DENND2A: variants seen among roughly 807,000 people sequenced by gnomAD.
The protein encoded by DENND2A is DENN domain-containing protein 2A.
DENND2A carries 53 observed loss-of-function variants against 105.3 expected under a neutral mutation model. That is an observed-to-expected ratio of 0.50 (90% CI 0.40 to 0.63). The LOEUF is 0.63. Ranked by LOEUF, DENND2A falls within the 30% of genes least tolerant of loss-of-function variation. The pLI is 0.00. For missense variants in DENND2A, 1,138 were observed against 1,279.6 expected (o/e 0.89, Z 1.69); for synonymous variants, 522 against 508.4 (o/e 1.03, Z -0.36).
chr7:140,598,381 C>T (rs549802930), intron 3 of DENND2A, among the ~76,000 whole-genome samples: 45 of 152,270 alleles, frequency 3.0e-4, no homozygotes, highest in African/African-American at 9.4e-4. Flanking sequence ...ACTCTAGATG[C>T]GTTACCATTA....
At chr7:140,579,517 C>T (rs1798446631) in intron 5 of DENND2A, among the ~76,000 whole-genome samples, 1 of 151,644 alleles carries the variant, frequency 6.6e-6, no homozygotes, top group South Asian at 2.1e-4. Flanking sequence ...CTCAGCCTCC[C>T]AAGTAGCTGG....
At position 140,525,735 on chromosome 7, in the gene DENND2A, C is replaced by A; in HGVS notation, c.2547+16G>T. The A allele has an allele frequency of 6.2e-7, 1 of 1,603,984 alleles. No homozygotes were observed. The highest frequency in any genetic ancestry group is 1.1e-5 in the South Asian group (1 of 88,982). ...AAAGACAAAGGGAGCAGGAGGCCGT[C>A]GCTGGCCTCACTCACCTGTCTGAGG... is the stretch of plus-strand genomic sequence containing the variant. On this transcript the variant is annotated intron_variant, in intron 16 of 19. Coordinates refer to ENST00000496613, the MANE Select transcript of DENND2A (RefSeq NM_015689.5).
chr7:140,536,107 T>C (rs1047793722), intron 14 of DENND2A, among the ~76,000 whole-genome samples: 4 of 152,032 alleles, frequency 2.6e-5, no homozygotes, highest in African/African-American at 9.7e-5. Context: ...AATCCCAACA[T>C]TGTGGGAGGC....
At chr7:140,583,926 G>GA (rs35931795) in intron 5 of DENND2A, among the ~76,000 whole-genome samples, 56,851 of 107,362 alleles carry the variant, frequency 0.53, 15,392 homozygotes, top group African/African-American at 0.77. Flanking sequence ...ACTCCGTCTC[G>GA]AAAAAAAAAA....
At chr7:140,564,538 A>G (rs931692585) in intron 9 of DENND2A, among the ~76,000 whole-genome samples, 1 of 152,230 alleles carries the variant, frequency 6.6e-6, no homozygotes, top group African/African-American at 2.4e-5. Context: ...ACATTACACC[A>G]TTAGAAAAGA....
At position 140,567,133 on chromosome 7, in the gene DENND2A, C is replaced by T. The variant is rs780882985; in HGVS notation, c.1732G>A (p.Ala578Thr). ...AGTTCTGGCACGTAGGCAGCCCCGG[C>T]CTGCTTCTTGTGCAAAGACACAACC... ...FVVVSLHKKQ[A>T]GAAYVPELTQ... is the part of the protein sequence containing the mutation. Residue 578 changes from alanine to threonine, a missense_variant, in exon 9 of 20, where the codon GCC becomes ACC. Physicochemically the swap from Ala to Thr is moderately conservative, Grantham distance 58. Around this residue, in one of 2 missense-constraint regions of DENND2A, gnomAD observed 627 missense variants for 779.8 expected, o/e 0.80. Transcript: ENST00000496613. 1.2e-6 allele frequency: 2 copies of T among 1,610,308 alleles called. No homozygotes were observed. The highest frequency in any genetic ancestry group is 1.7e-6 in the Non-Finnish European group (2 of 1,178,420).
Position 140,602,531 on chromosome 7 carries a change from T to C in DENND2A, c.-134A>G. ...AGGGTCTTTCTCAGTCCTTGGACCTTCCACCTTGACCCTGCACAAGAAAGA... is the reference window on the plus strand; with the variant it reads ...AGGGTCTTTCTCAGTCCTTGGACCTCCCACCTTGACCCTGCACAAGAAAGA... On this transcript the variant is annotated 5_prime_UTR_variant, in exon 3 of 20. Transcript: ENST00000496613. 1.0e-5 allele frequency: 9 copies of C among 900,020 alleles called. No homozygotes were observed. Among genetic ancestry groups the C allele is most frequent in the Non-Finnish European group, 1.4e-5 (9 of 637,344 alleles). The allele number at this position is 900,020 out of a possible 1,614,324, so 55.8% of individuals were successfully genotyped here.
chr7:140,587,578 A>G, intron 4 of DENND2A, 75 bp downstream of exon 4: 1 of 1,595,224 alleles, frequency 6.3e-7, no homozygotes, highest in Non-Finnish European at 8.5e-7. Flanking sequence ...GTGTGTTTCC[A>G]GCAGCCAGCC....
At chr7:140,538,631 T>TA (rs1796534770) in intron 14 of DENND2A, among the ~76,000 whole-genome samples, 1 of 152,002 alleles carries the variant, frequency 6.6e-6, no homozygotes, top group Non-Finnish European at 1.5e-5. Flanking sequence ...CTCAGCCTCC[T>TA]AAGTAGCTGG....
intron 1 of DENND2A, among the ~76,000 whole-genome samples, chr7:140,619,119 T>C (rs1390156441): frequency 6.6e-6 from 1 of 152,166 alleles, no homozygotes; most frequent in Non-Finnish European, 1.5e-5. Flanking sequence ...TTCTATACTT[T>C]GGGAATATAT....
intron 3 of DENND2A, among the ~76,000 whole-genome samples, chr7:140,601,100 A>G (rs931185280): frequency 1.8e-4 from 27 of 152,216 alleles, no homozygotes; most frequent in African/African-American, 6.5e-4. Flanking sequence ...CAGGGTTAAC[A>G]TAAGTCCTTC....
At chr7:140,613,074 A>G (rs1359879615) in intron 1 of DENND2A, among the ~76,000 whole-genome samples, 2 of 150,242 alleles carry the variant, frequency 1.3e-5, no homozygotes, top group African/African-American at 4.9e-5. Context: ...AGATCAAGCC[A>G]TTGCACTCCA....
intron 14 of DENND2A, among the ~76,000 whole-genome samples, chr7:140,532,555 G>A (rs1046131873): frequency 3.9e-5 from 6 of 152,296 alleles, no homozygotes; most frequent in African/African-American, 1.4e-4. Context: ...ATTTAGACCT[G>A]GAAGAGTTCT....
Position 140,523,379 on chromosome 7 carries a change from G to A in DENND2A, c.2593C>T (p.Leu865=). The part of the protein sequence containing the change: ...SILPRKLQVA[L]EHILEQRNEL... Reference sequence around the variant, plus strand: ...TTCCTCTGTTCCAGAATGTGTTCCAGGGCCACCTGAAGCTTCCGGGGCAGG... The same window carrying A: ...TTCCTCTGTTCCAGAATGTGTTCCAAGGCCACCTGAAGCTTCCGGGGCAGG... Residue 865 remains leucine (L), a synonymous_variant, in exon 17 of 20, where the codon CTG becomes TTG. Coordinates refer to ENST00000496613, the MANE Select transcript of DENND2A (RefSeq NM_015689.5). The surrounding 1 kb of genome is among the most constrained non-coding windows in gnomAD (Gnocchi z 4.5). The A allele has an allele frequency of 6.2e-7, 1 of 1,614,164 alleles. No individual in the cohort carries two copies.
In DENND2A at chr7:140,639,409, T is replaced by C. The variant is rs200183358; in HGVS notation, c.-248+1095A>G. 1.4e-4 allele frequency among the ~76,000 whole-genome samples: 22 copies of C among 151,960 alleles called. No homozygotes were observed. The East Asian group carries it at 4.1e-3, about 28-fold the overall frequency. ...CTGGAGGCCAGCCTCCCGCCAGCCT[T>C]TTCATTACCAGGCCTCAGAAACCGT... On this transcript the variant is annotated intron_variant, in intron 1 of 19. Coordinates refer to ENST00000496613, the MANE Select transcript of DENND2A (RefSeq NM_015689.5).
At chr7:140,573,462 G>C (rs1275350336) in intron 6 of DENND2A, among the ~76,000 whole-genome samples, 1 of 152,228 alleles carries the variant, frequency 6.6e-6, no homozygotes, top group Admixed American at 6.5e-5. Context: ...TGCAGCGGGT[G>C]TCGACCGTCT....
chr7:140,537,248 C>G (rs567425191), intron 14 of DENND2A, among the ~76,000 whole-genome samples: 1 of 152,238 alleles, frequency 6.6e-6, no homozygotes, highest in Non-Finnish European at 1.5e-5. Flanking sequence ...AAAAATGAAC[C>G]AAACCGAACA....
chr7:140,613,546 A>T (rs1045212090), intron 1 of DENND2A, among the ~76,000 whole-genome samples: 3 of 151,526 alleles, frequency 2.0e-5, no homozygotes, highest in Non-Finnish European at 4.4e-5. Flanking sequence ...TCTCAAAAAA[A>T]AAAAAAAAGC....
At chr7:140,597,987 T>C (rs1799346713) in intron 3 of DENND2A, among the ~76,000 whole-genome samples, 1 of 151,726 alleles carries the variant, frequency 6.6e-6, no homozygotes, top group African/African-American at 2.4e-5. Context: ...CTAGTAAAGA[T>C]AGTGCAATCA....
Sources: allele counts gnomAD v4.1 joint callset (sites outside exome capture counted in the v4.1 genomes callset), GRCh38; gene constraint gnomAD v4.1.1; regional missense constraint gnomAD v4.1.1; non-coding constraint Gnocchi (gnomAD v3.1); transcripts MANE v1.5; gene names NCBI Gene and HGNC (gene_info 2026-07-23, HGNC 2026-07-21).